Variants in IQANK1 observed in about 807,000 individuals in gnomAD.
The protein encoded by IQANK1 is IQ motif and ankyrin repeat containing 1.
Under a neutral mutation model 22.6 loss-of-function variants are expected in IQANK1, and 30 were observed. The observed-to-expected ratio is 1.33, with a 90% CI of 0.99 to 1.80. IQANK1 has a LOEUF of 1.80. IQANK1 is among the 40% of genes most tolerant of loss of function. IQANK1 has a pLI of 0.00. For synonymous variants in IQANK1, 122 were observed against 99.6 expected, an observed-to-expected ratio of 1.23 and a Z score of -1.34; for missense variants, 275 against 235.2, an observed-to-expected ratio of 1.17 and a Z score of -1.11.
At chr8:143,741,456 G>A (rs1167219228) in intron 3 of IQANK1, among the ~76,000 whole-genome samples, 1 of 152,136 alleles carries the variant, frequency 6.6e-6, no homozygotes, top group Admixed American at 6.5e-5. Context: ...GCCTCTTTTT[G>A]CTACAAAGTG....
At chr8:143,759,067 T>C in intron 3 of IQANK1, 1 of 268,394 alleles carries the variant, frequency 3.7e-6, no homozygotes, top group Admixed American at 4.2e-5. Flanking sequence ...GATGAGGTCC[T>C]GCATTTGGCC....
At chr8:143,786,443 TAGAC>T (rs1303535273) in intron 7 of IQANK1, among the ~76,000 whole-genome samples, 10 of 152,244 alleles carry the variant, frequency 6.6e-5, no homozygotes, top group African/African-American at 2.4e-4. Flanking sequence ...TTTACAAATA[TAGAC>T]AGAATCATTG....
Position 143,771,976 on chromosome 8 carries a change from G to A in IQANK1, c.471+11G>A, listed in dbSNP as rs1819583861. Reference sequence around the variant, plus strand: ...GCGGTGCTGAAGGAGGTCAGCGGGGGCGGGAGGAGGACGAGGGCGGGGGGT... The same window carrying A: ...GCGGTGCTGAAGGAGGTCAGCGGGGACGGGAGGAGGACGAGGGCGGGGGGT... On this transcript the variant is annotated intron_variant, in intron 5 of 13. Transcript: ENST00000527139. This position sits in a 1 kb window ranked among gnomAD's most constrained non-coding sequence, Gnocchi z 6.0. 2 of 145,446 alleles carry A rather than the reference G, an allele frequency of 1.4e-5. No homozygotes were observed. Among genetic ancestry groups the A allele is most frequent in the Non-Finnish European group, 1.5e-5 (1 of 67,008 alleles). 9.0% of individuals were successfully genotyped at this position (145,446 alleles called of 1,614,324 possible). A position where few individuals can be genotyped will look rare whatever the true frequency, so the allele number is the denominator to read the frequency against.
chr8:143,743,906 T>C (rs1416777537), intron 3 of IQANK1: 2 of 421,558 alleles, frequency 4.7e-6, no homozygotes, highest in Non-Finnish European at 9.5e-6. Context: ...GGGGCTTGGC[T>C]CACTGCTACC....
intron 3 of IQANK1, among the ~76,000 whole-genome samples, chr8:143,748,967 C>G (rs1250964213): frequency 1.1e-4 from 12 of 109,562 alleles, no homozygotes; most frequent in Admixed American, 7.0e-4. Context: ...AAATATATAT[C>G]ATATATAAAT....
intron 3 of IQANK1, among the ~76,000 whole-genome samples, chr8:143,753,741 C>T (rs1234381881): frequency 6.6e-6 from 1 of 152,160 alleles, no homozygotes; most frequent in Non-Finnish European, 1.5e-5. Flanking sequence ...AGGTGTGAGC[C>T]ACCACGCCCA....
chr8:143,779,092 A>G (rs1026323230), intron 7 of IQANK1, among the ~76,000 whole-genome samples: 11 of 152,142 alleles, frequency 7.2e-5, no homozygotes, highest in Non-Finnish European at 2.9e-5. Context: ...ATAAACTTAT[A>G]AATAAATTTA....
intron 7 of IQANK1, among the ~76,000 whole-genome samples, chr8:143,780,043 G>A (rs1450178859): frequency 2.0e-5 from 3 of 152,038 alleles, no homozygotes; most frequent in African/African-American, 4.8e-5. Flanking sequence ...AATCAAAGTT[G>A]TGGCTCAATT....
At chr8:143,738,841 C>T (rs1473501288) in intron 2 of IQANK1, among the ~76,000 whole-genome samples, 1 of 152,252 alleles carries the variant, frequency 6.6e-6, no homozygotes, top group Non-Finnish European at 1.5e-5. Context: ...CTGAGCCCAG[C>T]TGGCCATGGG....
In IQANK1 at chr8:143,790,471, T is replaced by C. The variant is rs1413567405; in HGVS notation, c.1546T>C (p.Tyr516His). ...SLLRPTDGPEYSPTQFQEQRL... is the reference protein window; with the variant it reads ...SLLRPTDGPEHSPTQFQEQRL... ...GCTGCGGCCCACGGACGGGCCTGAG[T>C]ATAGCCCCACGCAGTTCCAGGAGCA... Residue 516 changes from tyrosine (Y) to histidine (H), a missense_variant, in exon 14 of 14, where the codon TAT becomes CAT. By Grantham distance (83) the Tyr-to-His change is moderately conservative (BLOSUM62 2). Coordinates refer to ENST00000527139, the MANE Select transcript of IQANK1 (RefSeq NM_001381874.1). The C allele has an allele frequency of 7.0e-6, 3 of 430,724 alleles. No homozygotes were observed. The highest frequency in any genetic ancestry group is 4.1e-5 in the African/African-American group (2 of 49,104). The allele number at this position is 430,724 out of a possible 1,614,324, so 26.7% of individuals were successfully genotyped here.
At chr8:143,748,462 A>T (rs1405795322) in intron 3 of IQANK1, among the ~76,000 whole-genome samples, 2 of 142,102 alleles carry the variant, frequency 1.4e-5, no homozygotes, top group African/African-American at 5.2e-5. Context: ...ATATATAAAT[A>T]TACATGATAT....
chr8:143,749,249 GT>G (rs1819129456), intron 3 of IQANK1, among the ~76,000 whole-genome samples: 1 of 117,002 alleles, frequency 8.5e-6, no homozygotes, highest in South Asian at 2.6e-4. Flanking sequence ...TATCATATAT[GT>G]TATATATGAT....
intron 3 of IQANK1, among the ~76,000 whole-genome samples, chr8:143,751,644 G>T (rs374218616): frequency 3.0e-5 from 1 of 33,110 alleles, no homozygotes; most frequent in Non-Finnish European, 6.9e-5. Context: ...GTGTGTGTGT[G>T]TGTGTGTGTG....
intron 7 of IQANK1, among the ~76,000 whole-genome samples, chr8:143,784,481 TTTA>T (rs1554631158): frequency 6.6e-6 from 1 of 152,236 alleles, no homozygotes; most frequent in Non-Finnish European, 1.5e-5. Context: ...ACCTCTTTTC[TTTA>T]TAAATTACCC....
intron 3 of IQANK1, among the ~76,000 whole-genome samples, chr8:143,756,861 C>G (rs563888531): frequency 6.6e-6 from 1 of 151,580 alleles, no homozygotes; most frequent in Admixed American, 6.6e-5. Flanking sequence ...ACTTTTAGTC[C>G]TAGCCACTTG....
At chr8:143,787,433 A>G (rs782109801) in intron 7 of IQANK1, among the ~76,000 whole-genome samples, 9 of 149,622 alleles carry the variant, frequency 6.0e-5, no homozygotes, top group Non-Finnish European at 4.5e-5. Context: ...CCTTCTTTCC[A>G]TCTCTGCCCC....
At chr8:143,751,624 AAGTGTGTGT>A (rs1284687792) in intron 3 of IQANK1, among the ~76,000 whole-genome samples, 2 of 105,378 alleles carry the variant, frequency 1.9e-5, no homozygotes, top group African/African-American at 7.5e-5. Context: ...AAAAAAAAAA[AAGTGTGTGT>A]GTGTGTGTGT....
rs1393417916 is a variant in IQANK1 at position 143,789,681 on chromosome 8, G to A, written c.1087-80G>A. 4.9e-6 allele frequency: 6 copies of A among 1,213,162 alleles called. No individual in the cohort carries two copies. In the African/African-American group the frequency reaches 7.8e-5, roughly 16 times the overall value. The allele number at this position is 1,213,162 out of a possible 1,614,324, so 75.1% of individuals were successfully genotyped here. A position where few individuals can be genotyped will look rare whatever the true frequency, so the allele number is the denominator to read the frequency against. ...GACAGTGGCCTGCTTGGGGTGGGGT[G>A]GGGAGGAAGCTCGGGCAGCTGCCCT... On this transcript the variant is annotated intron_variant, in intron 10 of 13. Coordinates refer to ENST00000527139, the MANE Select transcript of IQANK1 (RefSeq NM_001381874.1).
chr8:143,789,705 C>T (rs1029311397), intron 10 of IQANK1, 56 bp from the exon 11 acceptor site: 4 of 1,224,946 alleles, frequency 3.3e-6, no homozygotes, highest in Non-Finnish European at 4.1e-6. Context: ...GGCAGCTGCC[C>T]TCTCCAGCCA....
Sources: gnomAD v4.1 joint callset for allele counts (sites outside exome capture counted in the v4.1 genomes callset) on GRCh38, gnomAD v4.1.1 for gene constraint, Gnocchi (gnomAD v3.1) non-coding constraint, MANE v1.5 for transcripts, NCBI Gene and HGNC (gene_info 2026-07-23, HGNC 2026-07-21) for gene names.